Variants in MBOAT1 observed in about 807,000 individuals in gnomAD.
MBOAT1 encodes the protein membrane bound glycerophospholipid O-acyltransferase 1, also known as membrane-bound glycerophospholipid O-acyltransferase 1.
MBOAT1 carries 67 observed loss-of-function variants against 64.4 expected under a neutral mutation model. The observed-to-expected ratio is 1.04, with a 90% confidence interval of 0.85 to 1.27. The LOEUF is 1.27. Among genes scored for constraint, MBOAT1 ranks in the 50% most tolerant of loss-of-function variants. MBOAT1 has a pLI of 0.00. For missense variants in MBOAT1, 563 were observed against 604.6 expected (o/e 0.93, Z 0.72); for synonymous variants, 229 against 218.9 (o/e 1.05, Z -0.41).
intron 1 of MBOAT1, among the ~76,000 whole-genome samples, chr6:20,161,692 C>T (rs1267097937): frequency 1.3e-5 from 2 of 152,150 alleles, no homozygotes; most frequent in Non-Finnish European, 2.9e-5. Flanking sequence ...GTGCATGGAG[C>T]AAGTCACAAA....
At chr6:20,184,901 G>C (rs1250279069) in intron 1 of MBOAT1, among the ~76,000 whole-genome samples, 1 of 151,876 alleles carries the variant, frequency 6.6e-6, no homozygotes, top group Non-Finnish European at 1.5e-5. Context: ...GTGTGTGTGT[G>C]TGTGTGTGTG....
chr6:20,149,961 T>A (rs571718595), intron 3 of MBOAT1, among the ~76,000 whole-genome samples: 1 of 152,316 alleles, frequency 6.6e-6, no homozygotes, highest in Admixed American at 6.5e-5. Flanking sequence ...ATTCCATAAA[T>A]ATTTATTGAG....
chr6:20,172,595 A>G (rs1193799036), intron 1 of MBOAT1, among the ~76,000 whole-genome samples: 1 of 152,120 alleles, frequency 6.6e-6, no homozygotes, highest in Non-Finnish European at 1.5e-5. Context: ...GCCTGCCCAA[A>G]TTCGTAGTTA....
chr6:20,142,465 T>C (rs1292610620), intron 4 of MBOAT1, among the ~76,000 whole-genome samples: 3 of 152,176 alleles, frequency 2.0e-5, no homozygotes, highest in Non-Finnish European at 4.4e-5. Context: ...TTGTTTTTTG[T>C]TTTTGAGACG....
intron 11 of MBOAT1, among the ~76,000 whole-genome samples, chr6:20,110,862 T>C (rs867864394): frequency 6.6e-6 from 1 of 152,240 alleles, no homozygotes; most frequent in South Asian, 2.1e-4. Flanking sequence ...TAAACAATTA[T>C]GTGATGTATA....
chr6:20,126,417 C>T, intron 7 of MBOAT1, 100 bp downstream of exon 7: 1 of 1,026,082 alleles, frequency 9.7e-7, no homozygotes, highest in African/African-American at 1.7e-5. Context: ...AGTTATTGGC[C>T]AAGCTTTCTG....
intron 11 of MBOAT1, 152 bp from the exon 12 acceptor site, chr6:20,109,901 ACTTTTTTTTT>A (rs1760077500): frequency 1.7e-5 from 5 of 297,932 alleles, no homozygotes; most frequent in East Asian, 1.3e-4. Flanking sequence ...TACCATCAGG[ACTTTTTTTTT>A]TTTTTTTTTT....
intron 1 of MBOAT1, among the ~76,000 whole-genome samples, chr6:20,186,557 T>C (rs1161393095): frequency 6.6e-6 from 1 of 152,210 alleles, no homozygotes; most frequent in Admixed American, 6.5e-5. Flanking sequence ...TCCCTGGGGC[T>C]AGTAGGTCTC....
chr6:20,187,584 T>C (rs987507533), intron 1 of MBOAT1, among the ~76,000 whole-genome samples: 2 of 152,148 alleles, frequency 1.3e-5, no homozygotes, highest in Admixed American at 1.3e-4. Flanking sequence ...GATTCAGCTA[T>C]CTCAATTTTC....
At chr6:20,107,536 A>T (rs1480393627) in intron 12 of MBOAT1, among the ~76,000 whole-genome samples, 1 of 152,172 alleles carries the variant, frequency 6.6e-6, no homozygotes, top group East Asian at 1.9e-4. Flanking sequence ...CACTCAGAGT[A>T]TGATCTCAGC....
intron 8 of MBOAT1, among the ~76,000 whole-genome samples, chr6:20,120,119 G>A (rs1480723638): frequency 6.6e-6 from 1 of 151,868 alleles, no homozygotes; most frequent in Non-Finnish European, 1.5e-5. Flanking sequence ...GAAGGTTAAG[G>A]ATGGGCTCCG....
chr6:20,142,915 C>G (rs1009429663), intron 4 of MBOAT1, among the ~76,000 whole-genome samples: 19 of 152,298 alleles, frequency 1.2e-4, no homozygotes, highest in Admixed American at 6.5e-5. Flanking sequence ...TGAGACCAAA[C>G]CACAGTCACA....
chr6:20,125,723 A>G (rs1257820443), intron 7 of MBOAT1, among the ~76,000 whole-genome samples: 1 of 152,260 alleles, frequency 6.6e-6, no homozygotes, highest in African/African-American at 2.4e-5. Context: ...TAAAGTGCTG[A>G]GAACTGAACT....
Position 20,152,767 on chromosome 6 carries a change from C to G in MBOAT1, c.102G>C (p.Val34=). 1 of 1,602,988 alleles carries G rather than the reference C, an allele frequency of 6.2e-7. No homozygotes were observed. Among genetic ancestry groups the G allele is most frequent in the Non-Finnish European group, 8.5e-7 (1 of 1,175,064 alleles). The change falls in exon 2 of 13, where the codon GTG becomes GTC. Residue 34 remains valine, a splice_region_variant and synonymous_variant. Coordinates refer to ENST00000324607, the MANE Select transcript of MBOAT1 (RefSeq NM_001080480.3). The stretch of plus-strand genomic sequence containing the variant: ...CAACAAGCTGGCATACCACAAAATT[C>G]ACCTGTGGCAGGGGAAGAGAAAATA... ...SELLGIPLDQ[V]NFVVCQLVAL... is the part of the protein sequence containing the mutation.
intron 4 of MBOAT1, among the ~76,000 whole-genome samples, chr6:20,142,615 A>G (rs1403166662): frequency 6.6e-6 from 1 of 151,992 alleles, no homozygotes; most frequent in Non-Finnish European, 1.5e-5. Context: ...ACACCCAGCT[A>G]ATTTTTATAT....
intron 4 of MBOAT1, among the ~76,000 whole-genome samples, chr6:20,137,149 C>G (rs548914792): frequency 3.9e-5 from 6 of 152,014 alleles, no homozygotes; most frequent in Admixed American, 1.3e-4. Context: ...AAAAAAAAAT[C>G]TTGTTTGAAA....
intron 1 of MBOAT1, among the ~76,000 whole-genome samples, chr6:20,177,646 A>AGC (rs1211439110): frequency 1.2e-3 from 177 of 151,772 alleles, no homozygotes; most frequent in Non-Finnish European, 1.8e-3. Context: ...TGGTGGTGGG[A>AGC]GCCTGTAGTC....
In MBOAT1 at chr6:20,190,057, C is replaced by T. The variant is rs138504640; in HGVS notation, c.99+22079G>A. ...TCACCCAGGCTGCAGTGCAGTGATG[C>T]GATCTCGGCTCACTGCAACCTCCGC... On this transcript the variant is annotated intron_variant, in intron 1 of 12. Transcript: ENST00000324607. Among the ~76,000 whole-genome samples the T allele has an allele frequency of 8.9e-4, 135 of 152,032 alleles. 2 individuals are homozygous for T. Among genetic ancestry groups the T allele is most frequent in the Middle Eastern group, 6.8e-3 (2 of 294 alleles).
intron 8 of MBOAT1, 36 bp downstream of exon 8, chr6:20,124,372 T>C (rs748401400): frequency 1.2e-5 from 19 of 1,586,266 alleles, no homozygotes; most frequent in Non-Finnish European, 1.6e-5. Flanking sequence ...GTAGCATTTT[T>C]CCCTCATTCA....
Sources: allele counts gnomAD v4.1 joint callset (sites outside exome capture counted in the v4.1 genomes callset), GRCh38; gene constraint gnomAD v4.1.1; transcripts MANE v1.5; gene names NCBI Gene and HGNC (gene_info 2026-07-23, HGNC 2026-07-21).